ANXA10: variants seen among roughly 807,000 people sequenced by gnomAD.
ANXA10 encodes annexin A10, also known as annexin 14.
A neutral mutation model predicts 53.5 loss-of-function variants in ANXA10; 49 were observed. That is an observed-to-expected ratio of 0.92 (90% CI 0.73 to 1.16). The LOEUF (loss-of-function observed/expected upper bound fraction) is 1.16. Among genes scored for constraint, ANXA10 ranks in the 50% most tolerant of loss-of-function variants. The probability of loss-of-function intolerance (pLI) is 0.00; values close to 1 mark genes in which losing one functional copy is unlikely to be tolerated. For missense variants in ANXA10, 393 were observed against 394.4 expected (o/e 1.00, Z 0.03); for synonymous variants, 131 against 128.9 (o/e 1.02, Z -0.11).
At chr4:168,176,783 T>G (rs1424517192) in intron 6 of ANXA10, among the ~76,000 whole-genome samples, 1 of 152,022 alleles carries the variant, frequency 6.6e-6, no homozygotes, top group Non-Finnish European at 1.5e-5. Context: ...GAAGAATCAC[T>G]TGAGGCCAGG....
chr4:168,139,586 G>T lies in ANXA10; in HGVS notation c.195+6G>T, dbSNP rs777901066. 5.6e-6 allele frequency: 9 copies of T among 1,605,392 alleles called. No homozygotes were observed. The highest frequency in any genetic ancestry group is 2.7e-5 in the African/African-American group (2 of 74,778). ...ACCAGAGCATGTATGGCCGGGTAAG[G>T]CCACTTTATCTTGACCTATTTCTAG... On this transcript the variant is annotated splice_donor_region_variant and intron_variant, in intron 3 of 11. Coordinates refer to ENST00000359299, the MANE Select transcript of ANXA10 (RefSeq NM_007193.5).
At chr4:168,151,131 G>T (rs539533307) in intron 3 of ANXA10, among the ~76,000 whole-genome samples, 1 of 152,272 alleles carries the variant, frequency 6.6e-6, no homozygotes, top group African/African-American at 2.4e-5. Flanking sequence ...AATATAAAAT[G>T]ATGCAAGTAT....
chr4:168,128,259 T>C, intron 2 of ANXA10, 94 bp downstream of exon 2: 1 of 787,656 alleles, frequency 1.3e-6, no homozygotes, highest in Non-Finnish European at 1.9e-6. Flanking sequence ...AGTTGATGTC[T>C]TACAAAACAC....
chr4:168,120,338 G>A (rs995676986), intron 1 of ANXA10, among the ~76,000 whole-genome samples: 3 of 152,154 alleles, frequency 2.0e-5, no homozygotes, highest in East Asian at 1.9e-4. Flanking sequence ...TCCACCTGTT[G>A]CAATCTAGTC....
Position 168,115,098 on chromosome 4 carries a change from G to C in ANXA10, c.19-12986G>C, listed in dbSNP as rs143515264. Among the ~76,000 whole-genome samples, 6 of 152,192 alleles carry C rather than the reference G, an allele frequency of 3.9e-5. No homozygotes were observed. In the East Asian group the frequency reaches 1.2e-3, roughly 29 times the overall value. ...TTTGCCATGTTGCCTGCTCAGGCTG[G>C]TCTGGAACTCCTGGGCTGAAGCAAT... On this transcript the variant is annotated intron_variant, in intron 1 of 11. Transcript: ENST00000359299.
At chr4:168,176,397 G>A (rs930787959) in intron 6 of ANXA10, among the ~76,000 whole-genome samples, 2 of 152,004 alleles carry the variant, frequency 1.3e-5, no homozygotes, top group African/African-American at 2.4e-5. Flanking sequence ...TTACTCTCAC[G>A]GGAGCTGAAG....
chr4:168,101,749 T>C (rs28485643), intron 1 of ANXA10, among the ~76,000 whole-genome samples: 16,251 of 152,062 alleles, frequency 0.11, 2,854 homozygotes, highest in African/African-American at 0.37. Flanking sequence ...TACTAACCCA[T>C]TTATCTGCAC....
At chr4:168,182,629 G>T (rs1320223401) in intron 10 of ANXA10, among the ~76,000 whole-genome samples, 4 of 145,706 alleles carry the variant, frequency 2.7e-5, no homozygotes, top group African/African-American at 1.0e-4. Flanking sequence ...CACCGCGCCC[G>T]GCCTGGAGCG....
At chr4:168,115,261 T>A (rs1370937971) in intron 1 of ANXA10, among the ~76,000 whole-genome samples, 1 of 152,068 alleles carries the variant, frequency 6.6e-6, no homozygotes. Flanking sequence ...AATAACCCTA[T>A]CATGGGGAAA....
In ANXA10 at chr4:168,187,377, A is replaced by T; in HGVS notation, c.918A>T (p.Ser306=). The T allele has an allele frequency of 6.3e-7, 1 of 1,592,732 alleles. No individual in the cohort carries two copies. Among genetic ancestry groups the T allele is most frequent in the Non-Finnish European group, 8.6e-7 (1 of 1,168,718 alleles). The change falls in exon 12 of 12, where the codon TCA becomes TCT. Residue 306 remains serine (S), a synonymous_variant. Coordinates refer to ENST00000359299, the MANE Select transcript of ANXA10 (RefSeq NM_007193.5). The part of the protein sequence containing the change: ...SLFHDIRNFA[S]GHYKKALLAI... ...ATTTTTCTTTTCAGAATTTTGCTTC[A>T]GGGCATTATAAGAAAGCACTGCTTG...
intron 1 of ANXA10, among the ~76,000 whole-genome samples, chr4:168,111,968 A>G (rs1730815900): frequency 6.6e-6 from 1 of 152,180 alleles, no homozygotes; most frequent in East Asian, 1.9e-4. Flanking sequence ...ATAGACTTCA[A>G]GAAATATCCT....
chr4:168,165,110 T>C (rs1416966679), intron 5 of ANXA10, 137 bp from the exon 6 acceptor site: 1 of 442,204 alleles, frequency 2.3e-6, no homozygotes, highest in Non-Finnish European at 4.0e-6. Context: ...GACGGTTTAT[T>C]GACAAAGAAA....
intron 3 of ANXA10, among the ~76,000 whole-genome samples, chr4:168,158,452 T>C (rs894738966): frequency 2.0e-5 from 3 of 152,206 alleles, no homozygotes; most frequent in South Asian, 4.1e-4. Flanking sequence ...CATTTTTTCA[T>C]ATATTGTTTA....
intron 3 of ANXA10, among the ~76,000 whole-genome samples, chr4:168,156,213 ATATG>A (rs1194747205): frequency 0.016 from 326 of 20,326 alleles, 1 homozygote; most frequent in Non-Finnish European, 0.024. Context: ...ATATTATATT[ATATG>A]TAATATGTAT....
At chr4:168,156,728 C>T (rs894304850) in intron 3 of ANXA10, among the ~76,000 whole-genome samples, 1 of 151,770 alleles carries the variant, frequency 6.6e-6, no homozygotes, top group African/African-American at 2.4e-5. Flanking sequence ...TGGTCTCGAT[C>T]TCCTGACCTC....
intron 6 of ANXA10, 29 bp downstream of exon 6, chr4:168,165,355 T>G: frequency 7.4e-7 from 1 of 1,353,404 alleles, no homozygotes; most frequent in Non-Finnish European, 1.0e-6. Context: ...TACATTACTT[T>G]GCACTATCTA....
In ANXA10 at chr4:168,156,191, T is replaced by TAC. The variant is rs1560784480; in HGVS notation, c.196-6336_196-6335insCA. Among the ~76,000 whole-genome samples, 10 of 28,942 alleles carry TAC rather than the reference T, an allele frequency of 3.5e-4. 1 individual carries two copies. The highest frequency in any genetic ancestry group is 1.4e-3 in the African/African-American group (9 of 6,568). 19.0% of individuals were successfully genotyped at this position (28,942 alleles called of 152,430 possible). ...ATATATTATATTATATATTATATATTATATATAATATATATTATATTATAT... is the reference window on the plus strand; with the variant it reads ...ATATATTATATTATATATTATATATTACATATATAATATATATTATATTATAT... On this transcript the variant is annotated intron_variant, in intron 3 of 11. Transcript: ENST00000359299.
intron 4 of ANXA10, 53 bp downstream of exon 4, chr4:168,162,694 G>A (rs1731807784): frequency 1.4e-6 from 2 of 1,438,826 alleles, no homozygotes; most frequent in Admixed American, 3.4e-5. Flanking sequence ...CAGTATTTCA[G>A]TAGAGGGGAA....
intron 1 of ANXA10, among the ~76,000 whole-genome samples, chr4:168,106,117 G>T (rs1415553584): frequency 6.6e-6 from 1 of 151,878 alleles, no homozygotes; most frequent in Non-Finnish European, 1.5e-5. Flanking sequence ...TTCTTTTGTT[G>T]TAATTTATTA....
Sources: gnomAD v4.1 joint callset for allele counts (sites outside exome capture counted in the v4.1 genomes callset) on GRCh38, gnomAD v4.1.1 for gene constraint, MANE v1.5 for transcripts, NCBI Gene and HGNC (gene_info 2026-07-23, HGNC 2026-07-21) for gene names.